The following CEP85 variants were observed in gnomAD, a reference collection of about 807,000 sequenced individuals.
CEP85 encodes centrosomal protein of 85 kDa.
Under a neutral mutation model 93.7 loss-of-function variants are expected in CEP85, and 58 were observed. That is an observed-to-expected ratio of 0.62 (90% CI 0.50 to 0.77). CEP85 has a LOEUF of 0.77. Among genes scored for constraint, CEP85 ranks in the 30% least tolerant of loss-of-function variants. The pLI, the probability that CEP85 is intolerant of heterozygous loss-of-function variation, is 0.00. For synonymous variants in CEP85, 314 were observed against 338.6 expected (o/e 0.93, Z 0.80); for missense variants, 868 against 922.0 (o/e 0.94, Z 0.76).
chr1:26,238,202 C>CTCTTTTT (rs759634019), intron 1 of CEP85, among the ~76,000 whole-genome samples: 2 of 88,294 alleles, frequency 2.3e-5, no homozygotes, highest in African/African-American at 9.0e-5. Flanking sequence ...GTCCCAAACT[C>CTCTTTTT]TTTTTTTTTT....
chr1:26,260,336 C>A (rs551036672), intron 7 of CEP85, among the ~76,000 whole-genome samples: 1 of 152,030 alleles, frequency 6.6e-6, no homozygotes, highest in African/African-American at 2.4e-5. Flanking sequence ...ACTAAAAATG[C>A]AAAAATTAGC....
At chr1:26,273,680 A>AG (rs1435754471) in intron 11 of CEP85, among the ~76,000 whole-genome samples, 2 of 152,084 alleles carry the variant, frequency 1.3e-5, no homozygotes, top group Non-Finnish European at 2.9e-5. Context: ...GCAGATCACA[A>AG]GGTCAGGAGA....
At chr1:26,277,067 C>A in intron 13 of CEP85, 69 bp from the exon 14 acceptor site, 1 of 1,470,678 alleles carries the variant, frequency 6.8e-7, no homozygotes, top group Non-Finnish European at 9.5e-7. Flanking sequence ...ACTGCCTATC[C>A]ATACTGCACC....
In CEP85 at chr1:26,244,326, T is replaced by C; in HGVS notation, c.208+8T>C. On this transcript the variant is annotated splice_region_variant and intron_variant, in intron 3 of 13. Transcript: ENST00000451429. ...GCTCAGATATTGCGGAGGGTAAGTT[T>C]GTATTAATGATTTGATTACCAATAT... 1 of 1,610,820 alleles carries C rather than the reference T, an allele frequency of 6.2e-7. No individual in the cohort carries two copies. Among genetic ancestry groups the C allele is most frequent in the Non-Finnish European group, 8.5e-7 (1 of 1,177,636 alleles).
At chr1:26,249,245 C>T (rs1168764371) in intron 3 of CEP85, among the ~76,000 whole-genome samples, 1 of 151,954 alleles carries the variant, frequency 6.6e-6, no homozygotes, top group African/African-American at 2.4e-5. Context: ...CCACACCCAG[C>T]TAATTTTTGT....
At chr1:26,277,066 C>T in intron 13 of CEP85, 70 bp from the exon 14 acceptor site, 1 of 1,464,804 alleles carries the variant, frequency 6.8e-7, no homozygotes, top group East Asian at 2.3e-5. Context: ...TACTGCCTAT[C>T]CATACTGCAC....
chr1:26,237,379 T>A (rs1051902222), intron 1 of CEP85, among the ~76,000 whole-genome samples: 8 of 152,164 alleles, frequency 5.3e-5, no homozygotes, highest in African/African-American at 1.9e-4. Context: ...CTACCCTCCC[T>A]CCTCTCAGTC....
At chr1:26,238,008 G>T (rs765285096) in intron 1 of CEP85, among the ~76,000 whole-genome samples, 4 of 151,698 alleles carry the variant, frequency 2.6e-5, no homozygotes, top group Non-Finnish European at 4.4e-5. Flanking sequence ...AATTGTGGAG[G>T]ATGATACCCT....
chr1:26,275,602 A>C (rs1394654027), intron 12 of CEP85, among the ~76,000 whole-genome samples: 2 of 152,136 alleles, frequency 1.3e-5, no homozygotes, highest in African/African-American at 4.8e-5. Context: ...TGATGGGGAA[A>C]GTCATTCTCT....
chr1:26,255,751 C>T lies in CEP85; in HGVS notation c.789C>T (p.Pro263=), dbSNP rs756867294. The change falls in exon 4 of 14, where the codon CCC becomes CCT. Residue 263 remains proline (P), a synonymous_variant. Transcript: ENST00000451429. The part of the protein sequence containing the change: ...QPAPGLSKPL[P]SQVWQPSPDT... ...CTCCCGGGCTCTCCAAGCCTCTGCC[C>T]TCTCAGGTGTGGCAGCCGAGTCCTG... The T allele has an allele frequency of 1.1e-5, 18 of 1,614,060 alleles. No individual in the cohort carries two copies. The Admixed American group carries it at 2.5e-4, about 22-fold the overall frequency.
At position 26,268,502 on chromosome 1, in the gene CEP85, A is replaced by T. The variant is rs754209054; in HGVS notation, c.1361A>T (p.His454Leu). 3 of 1,614,048 alleles carry T rather than the reference A, an allele frequency of 1.9e-6. No individual in the cohort carries two copies. Among genetic ancestry groups the T allele is most frequent in the Non-Finnish European group, 2.5e-6 (3 of 1,180,014 alleles). Residue 454 changes from histidine (H) to leucine (L), a missense_variant, in exon 8 of 14, where the codon CAT (histidine) becomes CTT (leucine). Physicochemically the swap from His to Leu is moderately conservative, Grantham distance 99. Transcript: ENST00000451429. ...QEERVKGRDK[H>L]INNLKKKCQK... ...TCCTAGGTCAAAGGTCGTGATAAACATATCAATAATTTGAAAAAGAAATGC... is the reference window on the plus strand; with the variant it reads ...TCCTAGGTCAAAGGTCGTGATAAACTTATCAATAATTTGAAAAAGAAATGC...
At chr1:26,251,765 G>C (rs1244974573) in intron 3 of CEP85, among the ~76,000 whole-genome samples, 3 of 152,118 alleles carry the variant, frequency 2.0e-5, no homozygotes, top group African/African-American at 2.4e-5. Flanking sequence ...TGAATTTGGT[G>C]AATCTAGAGA....
rs397861910 is a variant in CEP85 at position 26,272,617 on chromosome 1, A to ATTTTTTTTTT, written c.1794+564_1794+573dup. Among the ~76,000 whole-genome samples the ATTTTTTTTTT allele has an allele frequency of 2.6e-4, 23 of 89,690 alleles. 2 individuals carry two copies. Among genetic ancestry groups the ATTTTTTTTTT allele is most frequent in the African/African-American group, 1.1e-3 (22 of 19,706 alleles). 58.8% of individuals were successfully genotyped at this position (89,690 alleles called of 152,430 possible). A position where few individuals can be genotyped will look rare whatever the true frequency, so the allele number is the denominator to read the frequency against. On this transcript the variant is annotated intron_variant, in intron 11 of 13. Transcript: ENST00000451429. ...GTAGGTGGTGGGCATCTATTACAGC[A>ATTTTTTTTTT]TTTTTTTTTTTTTTTTTTTTTTTTT...
At chr1:26,252,123 C>T (rs561753377) in intron 3 of CEP85, among the ~76,000 whole-genome samples, 2 of 152,026 alleles carry the variant, frequency 1.3e-5, no homozygotes, top group East Asian at 3.9e-4. Context: ...CCCAGCTACT[C>T]GAGAGGCTGA....
intron 3 of CEP85, among the ~76,000 whole-genome samples, chr1:26,251,291 G>A (rs1569988190): frequency 9.1e-6 from 1 of 110,026 alleles, no homozygotes; most frequent in African/African-American, 3.5e-5. Context: ...AGCTCTTGTT[G>A]CCCAGGCTGG....
chr1:26,268,184 G>A (rs979122215), intron 7 of CEP85, among the ~76,000 whole-genome samples: 2 of 152,250 alleles, frequency 1.3e-5, no homozygotes, highest in Non-Finnish European at 2.9e-5. Context: ...GTGGCTGGGT[G>A]TGGTGGCCCA....
Position 26,257,698 on chromosome 1 carries a change from C to A in CEP85, c.1005C>A (p.His335Gln), listed in dbSNP as rs749002521. The A allele has an allele frequency of 6.8e-6, 11 of 1,614,004 alleles. No individual in the cohort carries two copies. The African/African-American group carries it at 1.5e-4, about 22-fold the overall frequency. The change falls in exon 5 of 14, where the codon CAC (histidine) becomes CAA (glutamine). Residue 335 changes from histidine (H) to glutamine (Q), a missense_variant. By Grantham distance (24) the His-to-Gln change is conservative. Transcript: ENST00000451429. ...QWISILNSNE[H>Q]LLKEKELLID... ...TCAGCATCTTGAACAGTAATGAACACCTTCTGAAGGAAAAAGAGCTTCTCA... is the reference window on the plus strand; with the variant it reads ...TCAGCATCTTGAACAGTAATGAACAACTTCTGAAGGAAAAAGAGCTTCTCA...
At chr1:26,256,406 C>A (rs1000478838) in intron 4 of CEP85, among the ~76,000 whole-genome samples, 1 of 151,870 alleles carries the variant, frequency 6.6e-6, no homozygotes, top group Non-Finnish European at 1.5e-5. Flanking sequence ...TGGCATGCGC[C>A]TGTAGTCCCA....
intron 3 of CEP85, among the ~76,000 whole-genome samples, chr1:26,249,274 G>T (rs1488932713): frequency 6.6e-6 from 1 of 152,196 alleles, no homozygotes; most frequent in Non-Finnish European, 1.5e-5. Context: ...TAAAGACGGG[G>T]TTTCACCTTG....
Sources: allele counts gnomAD v4.1 joint callset (sites outside exome capture counted in the v4.1 genomes callset), GRCh38; gene constraint gnomAD v4.1.1; transcripts MANE v1.5; gene names NCBI Gene and HGNC (gene_info 2026-07-23, HGNC 2026-07-21).